The following TMEM140 variants were observed in gnomAD, a reference collection of about 807,000 sequenced individuals.
TMEM140 encodes transmembrane protein 140.
For synonymous variants in TMEM140, 107 were observed against 106.8 expected (o/e 1.00, Z -0.01); for missense variants, 236 against 228.5 (o/e 1.03, Z -0.21).
At position 135,164,617 on chromosome 7, in the gene TMEM140, C is replaced by T; in HGVS notation, c.176C>T (p.Thr59Ile). The T allele has an allele frequency of 1.2e-6, 2 of 1,614,200 alleles. No individual in the cohort carries two copies. Among genetic ancestry groups the T allele is most frequent in the South Asian group, 2.2e-5 (2 of 91,092 alleles). Residue 59 changes from threonine to isoleucine, a missense_variant, in exon 2 of 2, where the codon ACC becomes ATC. Thr to Ile is a moderately conservative substitution (Grantham distance 89, BLOSUM62 -1). Coordinates refer to ENST00000275767, the MANE Select transcript of TMEM140 (RefSeq NM_018295.5). ...AACTTCTGCCTGTGGAATGAGGACACCAGCACCCTACAGTGTCACCAGTTC... is the reference window on the plus strand; with the variant it reads ...AACTTCTGCCTGTGGAATGAGGACATCAGCACCCTACAGTGTCACCAGTTC... ...FYNFCLWNED[T>I]STLQCHQFPE...
chr7:135,163,537 C>T (rs954476926), intron 1 of TMEM140, among the ~76,000 whole-genome samples: 3 of 151,950 alleles, frequency 2.0e-5, no homozygotes, highest in East Asian at 1.9e-4. Flanking sequence ...CCCAGCTACT[C>T]GGGAGGCTGA....
At chr7:135,162,032 G>A (rs1363026358) in intron 1 of TMEM140, among the ~76,000 whole-genome samples, 9 of 152,208 alleles carry the variant, frequency 5.9e-5, no homozygotes, top group East Asian at 1.9e-4. Flanking sequence ...CAAAGAAGTC[G>A]CTGGTCAATC....
At chr7:135,163,920 G>C (rs1211897655) in intron 1 of TMEM140, among the ~76,000 whole-genome samples, 1 of 152,214 alleles carries the variant, frequency 6.6e-6, no homozygotes, top group Non-Finnish European at 1.5e-5. Context: ...GTTGAGCTCT[G>C]ATTGATCTGT....
chr7:135,149,741 T>A (rs1829625024), intron 1 of TMEM140, among the ~76,000 whole-genome samples: 1 of 152,252 alleles, frequency 6.6e-6, no homozygotes, highest in African/African-American at 2.4e-5. Flanking sequence ...TTGGCGTATC[T>A]TTAATTACAT....
Position 135,164,680 on chromosome 7 carries a change from T to A in TMEM140, c.239T>A (p.Leu80Gln), listed in dbSNP as rs1169994182. The change falls in exon 2 of 2, where the codon CTG becomes CAG. Residue 80 changes from leucine (L) to glutamine (Q), a missense_variant. By Grantham distance (113) the Leu-to-Gln change is moderately radical. Coordinates refer to ENST00000275767, the MANE Select transcript of TMEM140 (RefSeq NM_018295.5). Reference protein sequence around the residue: ...LEALGVPRVGLGLARLGVYGS... With the variant: ...LEALGVPRVGQGLARLGVYGS... ...GCCCTGGGGGTGCCTCGGGTTGGCC[T>A]GGGCCTGGCCAGGCTTGGCGTGTAC... is the stretch of plus-strand genomic sequence containing the variant. The A allele has an allele frequency of 6.2e-7, 1 of 1,614,014 alleles. No individual in the cohort carries two copies. Among genetic ancestry groups the A allele is most frequent in the Admixed American group, 1.7e-5 (1 of 60,028 alleles).
Position 135,161,254 on chromosome 7 carries a change from C to T in TMEM140, c.-24-3164C>T, listed in dbSNP as rs976463814. Reference sequence around the variant, plus strand: ...GGCTCCTGGCGTCTGGCAGGAGCTGCCGCAAGGTGGCTGATGCAATCTCCC... The same window carrying T: ...GGCTCCTGGCGTCTGGCAGGAGCTGTCGCAAGGTGGCTGATGCAATCTCCC... On this transcript the variant is annotated intron_variant, in intron 1 of 1. Transcript: ENST00000275767. This position sits in a 1 kb window ranked among gnomAD's most constrained non-coding sequence, Gnocchi z 4.1. 6.6e-6 allele frequency among the ~76,000 whole-genome samples: 1 copy of T among 152,190 alleles called. No individual in the cohort carries two copies. Among genetic ancestry groups the T allele is most frequent in the Non-Finnish European group, 1.5e-5 (1 of 68,032 alleles).
rs997256729 is a variant in TMEM140, at chr7:135,148,125, C to T, written c.-170C>T. ...AAGGCAAGGGGGCACCAGCTCAGGA[C>T]TGCATCTGCCTGCCATTTCCCTTCC... On this transcript the variant is annotated 5_prime_UTR_variant, in exon 1 of 2. Transcript: ENST00000275767. 2.2e-6 allele frequency: 1 copy of T among 454,180 alleles called. No homozygotes were observed. The highest frequency in any genetic ancestry group is 2.0e-5 in the African/African-American group (1 of 49,898). The allele number at this position is 454,180 out of a possible 1,614,324, so 28.1% of individuals were successfully genotyped here. A position where few individuals can be genotyped will look rare whatever the true frequency, so the allele number is the denominator to read the frequency against.
rs1394733679 is a variant in TMEM140, at chr7:135,161,394, T to C, written c.-24-3024T>C. Among the ~76,000 whole-genome samples, 1 of 152,124 alleles carries C rather than the reference T, an allele frequency of 6.6e-6. No homozygotes were observed. The highest frequency in any genetic ancestry group is 1.5e-5 in the Non-Finnish European group (1 of 68,012). ...AAATGGGAAAAGTGAGAGGGAGTGT[T>C]TAAACAAAGGCATCCCCAAGTCCCT... On this transcript the variant is annotated intron_variant, in intron 1 of 1. Coordinates refer to ENST00000275767, the MANE Select transcript of TMEM140 (RefSeq NM_018295.5). The surrounding 1 kb of genome is among the most constrained non-coding windows in gnomAD (Gnocchi z 4.1).
At chr7:135,162,659 A>G (rs942067833) in intron 1 of TMEM140, among the ~76,000 whole-genome samples, 1 of 152,100 alleles carries the variant, frequency 6.6e-6, no homozygotes, top group South Asian at 2.1e-4. Flanking sequence ...TATGGGGGAA[A>G]CCCACCCCCA....
chr7:135,164,910 G>A lies in TMEM140; in HGVS notation c.469G>A (p.Ala157Thr), dbSNP rs201284142. ...PGPGFLALGS[A>T]QALLILLLIA... ...GCCTGGGTTTCTAGCTCTGGGCAGC[G>A]CCCAGGCCTTACTCATCCTCTTGCT... The change falls in exon 2 of 2, where the codon GCC (alanine) becomes ACC (threonine). Residue 157 changes from alanine (A) to threonine (T), a missense_variant. Coordinates refer to ENST00000275767, the MANE Select transcript of TMEM140 (RefSeq NM_018295.5). The A allele has an allele frequency of 1.8e-4, 290 of 1,614,104 alleles. No homozygotes were observed. Among genetic ancestry groups the A allele is most frequent in the Non-Finnish European group, 2.4e-4 (278 of 1,180,028 alleles).
chr7:135,148,105 A>G lies in TMEM140; in HGVS notation c.-190A>G, dbSNP rs188516400. 46 of 456,194 alleles carry G rather than the reference A, an allele frequency of 1.0e-4. No individual in the cohort carries two copies. The highest frequency in any genetic ancestry group is 7.6e-4 in the African/African-American group (38 of 50,176). The allele number at this position is 456,194 out of a possible 1,614,324, so 28.3% of individuals were successfully genotyped here. A position where few individuals can be genotyped will look rare whatever the true frequency, so the allele number is the denominator to read the frequency against. ...GTTTACTAGGCACGACTGCGAAGGC[A>G]AGGGGGCACCAGCTCAGGACTGCAT... On this transcript the variant is annotated 5_prime_UTR_variant, in exon 1 of 2. Coordinates refer to ENST00000275767, the MANE Select transcript of TMEM140 (RefSeq NM_018295.5).
At chr7:135,152,824 ATGTTT>A (rs1384099921) in intron 1 of TMEM140, 2 of 152,202 alleles carry the variant, frequency 1.3e-5, no homozygotes, top group African/African-American at 4.8e-5. Context: ...AAAGTGTGTA[ATGTTT>A]AACAGCAGCA....
intron 1 of TMEM140, among the ~76,000 whole-genome samples, chr7:135,154,793 C>G (rs1829748777): frequency 6.6e-6 from 1 of 152,174 alleles, no homozygotes; most frequent in Admixed American, 6.5e-5. Context: ...GGAGAATGTT[C>G]CATGTGCTGA....
chr7:135,157,263 T>C lies in TMEM140; in HGVS notation c.-24-7155T>C, dbSNP rs544578890. ...ATTTTTTCCTGAGGATATATGCATG[T>C]TGTTAAGATGCTTTGACTTTGATTT... On this transcript the variant is annotated intron_variant, in intron 1 of 1. Coordinates refer to ENST00000275767, the MANE Select transcript of TMEM140 (RefSeq NM_018295.5). 2.6e-4 allele frequency among the ~76,000 whole-genome samples: 39 copies of C among 152,370 alleles called. No homozygotes were observed. In the East Asian group the frequency reaches 7.5e-3, roughly 29 times the overall value.
intron 1 of TMEM140, 47 bp from the exon 2 acceptor site, chr7:135,164,371 G>A (rs1830026280): frequency 1.4e-6 from 2 of 1,444,480 alleles, no homozygotes; most frequent in Non-Finnish European, 9.5e-7. Flanking sequence ...CTGGACACAG[G>A]GAACAAGCAA....
chr7:135,156,413 C>G (rs1263866377), intron 1 of TMEM140, among the ~76,000 whole-genome samples: 1 of 151,804 alleles, frequency 6.6e-6, no homozygotes, highest in Non-Finnish European at 1.5e-5. Context: ...TCCTTTTTTC[C>G]TCATTTTTGT....
intron 1 of TMEM140, among the ~76,000 whole-genome samples, chr7:135,163,487 A>G (rs1830000997): frequency 6.6e-6 from 1 of 152,124 alleles, no homozygotes; most frequent in South Asian, 2.1e-4. Flanking sequence ...TCTACCAAAA[A>G]TACAAAAATT....
chr7:135,164,408 T>G lies in TMEM140; in HGVS notation c.-24-10T>G. The G allele has an allele frequency of 6.4e-7, 1 of 1,573,622 alleles. No homozygotes were observed. Among genetic ancestry groups the G allele is most frequent in the Non-Finnish European group, 8.7e-7 (1 of 1,150,190 alleles). ...GGAGAGATGGACTGACTGCTGTGAC[T>G]TCCCCGCAGGTCCCCCGGCAGAGGG... On this transcript the variant is annotated splice_polypyrimidine_tract_variant and intron_variant, in intron 1 of 1. Transcript: ENST00000275767.
chr7:135,155,640 A>G (rs1016477290), intron 1 of TMEM140, among the ~76,000 whole-genome samples: 1 of 152,180 alleles, frequency 6.6e-6, no homozygotes, highest in Admixed American at 6.5e-5. Context: ...TAATTGATGG[A>G]AGGTGGTCAA....
Sources: gnomAD v4.1 joint callset for allele counts (sites outside exome capture counted in the v4.1 genomes callset) on GRCh38, gnomAD v4.1.1 for gene constraint, Gnocchi (gnomAD v3.1) non-coding constraint, MANE v1.5 for transcripts, NCBI Gene and HGNC (gene_info 2026-07-23, HGNC 2026-07-21) for gene names.